ZNF804B: variants seen among roughly 807,000 people sequenced by gnomAD.
ZNF804B encodes zinc finger 804B.
A neutral mutation model predicts 101.4 loss-of-function variants in ZNF804B; 80 were observed. The observed-to-expected ratio is 0.79, with a 90% CI of 0.66 to 0.95. The LOEUF is 0.95. Among genes scored for constraint, ZNF804B ranks in the 40% least tolerant of loss-of-function variants. ZNF804B has a pLI of 0.00. For synonymous variants in ZNF804B, 622 were observed against 558.8 expected, an observed-to-expected ratio of 1.11 and a Z score of -1.59; for missense variants, 1,673 against 1,561.9, an observed-to-expected ratio of 1.07 and a Z score of -1.20.
At position 88,798,956 on chromosome 7, in the gene ZNF804B, G is replaced by T. The variant is rs1257865592; in HGVS notation, c.108+38872G>T. On this transcript the variant is annotated intron_variant, in intron 1 of 3. Coordinates refer to ENST00000333190, the MANE Select transcript of ZNF804B (RefSeq NM_181646.5). ...TACCCAGAGTGATCTGTTTAGAATA[G>T]CTATCCAAGTTCAAGTTCAAACAAC... Among the ~76,000 whole-genome samples the T allele has an allele frequency of 3.9e-5, 6 of 152,204 alleles. No homozygotes were observed. In the East Asian group the frequency reaches 1.2e-3, roughly 29 times the overall value.
chr7:89,255,380 T>C (rs1035265069), intron 2 of ZNF804B, among the ~76,000 whole-genome samples: 1 of 152,084 alleles, frequency 6.6e-6, no homozygotes, highest in Non-Finnish European at 1.5e-5. Flanking sequence ...CATATTATAG[T>C]GATTAAAACA....
intron 1 of ZNF804B, among the ~76,000 whole-genome samples, chr7:88,999,669 G>A (rs1791077038): frequency 6.6e-6 from 1 of 151,856 alleles, no homozygotes; most frequent in African/African-American, 2.4e-5. Context: ...ATTTTATGGA[G>A]AACAGAGTAT....
At chr7:89,159,630 A>T (rs1791028960) in intron 1 of ZNF804B, among the ~76,000 whole-genome samples, 2 of 152,284 alleles carry the variant, frequency 1.3e-5, no homozygotes, top group South Asian at 4.1e-4. Flanking sequence ...ATGAGTTAAC[A>T]TCTGATAATA....
intron 2 of ZNF804B, among the ~76,000 whole-genome samples, chr7:89,222,933 C>T (rs1303333762): frequency 2.0e-5 from 3 of 151,802 alleles, no homozygotes; most frequent in Non-Finnish European, 2.9e-5. Flanking sequence ...GAAATACTTC[C>T]ATTTAAAGAT....
At chr7:88,896,589 AATT>A (rs1423574387) in intron 1 of ZNF804B, among the ~76,000 whole-genome samples, 2 of 152,128 alleles carry the variant, frequency 1.3e-5, no homozygotes, top group Non-Finnish European at 2.9e-5. Context: ...TTGATATGCC[AATT>A]ATTTATAAAG....
intron 2 of ZNF804B, among the ~76,000 whole-genome samples, chr7:89,302,221 A>G (rs1562940936): frequency 6.6e-6 from 1 of 151,836 alleles, no homozygotes; most frequent in Non-Finnish European, 1.5e-5. Flanking sequence ...TCCCATATCC[A>G]ATTCTTAGAT....
chr7:89,137,252 T>C (rs1790651403), intron 1 of ZNF804B, among the ~76,000 whole-genome samples: 1 of 152,128 alleles, frequency 6.6e-6, no homozygotes, highest in Non-Finnish European at 1.5e-5. Flanking sequence ...GAAAGCTTTT[T>C]ATTATGTAAT....
chr7:89,337,017 C>T lies in ZNF804B; in HGVS notation c.4035C>T (p.Ser1345=). 1 of 1,613,484 alleles carries T rather than the reference C, an allele frequency of 6.2e-7. No homozygotes were observed. Among genetic ancestry groups the T allele is most frequent in the Non-Finnish European group, 8.5e-7 (1 of 1,179,698 alleles). ...LNEVKEALNV[S]THLN Reference sequence around the variant, plus strand: ...AAGTGAAAGAGGCCTTAAATGTGTCCACACACTTGAACTAATAAGTGTTAA... The same window carrying T: ...AAGTGAAAGAGGCCTTAAATGTGTCTACACACTTGAACTAATAAGTGTTAA... The change falls in exon 4 of 4, where the codon TCC becomes TCT. Residue 1345 remains serine, a synonymous_variant. Coordinates refer to ENST00000333190, the MANE Select transcript of ZNF804B (RefSeq NM_181646.5).
At chr7:89,295,794 T>G (rs551274805) in intron 2 of ZNF804B, among the ~76,000 whole-genome samples, 2 of 152,210 alleles carry the variant, frequency 1.3e-5, no homozygotes, top group Non-Finnish European at 2.9e-5. Flanking sequence ...AAATGTGGTA[T>G]ATATACACTT....
chr7:89,078,410 G>C (rs991911152), intron 1 of ZNF804B, among the ~76,000 whole-genome samples: 1 of 152,000 alleles, frequency 6.6e-6, no homozygotes, highest in Non-Finnish European at 1.5e-5. Flanking sequence ...AGCCTCTAAA[G>C]ACCAGTATGC....
At chr7:89,089,543 T>C (rs928148929) in intron 1 of ZNF804B, among the ~76,000 whole-genome samples, 2 of 151,764 alleles carry the variant, frequency 1.3e-5, no homozygotes, top group Admixed American at 6.6e-5. Context: ...TCATAAGAGG[T>C]AGAGAAAAAA....
At chr7:88,961,749 A>T (rs952579819) in intron 1 of ZNF804B, among the ~76,000 whole-genome samples, 14 of 151,346 alleles carry the variant, frequency 9.3e-5, no homozygotes, top group Admixed American at 8.6e-4. Flanking sequence ...CTATATCACC[A>T]AAAGCAAAAA....
At chr7:89,223,825 C>T (rs17167590) in intron 2 of ZNF804B, among the ~76,000 whole-genome samples, 18,550 of 151,798 alleles carry the variant, frequency 0.12, 1,217 homozygotes, top group Middle Eastern at 0.25. Context: ...ATATAGCTCA[C>T]GTTTTTGGAA....
chr7:89,311,832 T>C (rs1338338889), intron 2 of ZNF804B, among the ~76,000 whole-genome samples: 2 of 152,212 alleles, frequency 1.3e-5, no homozygotes, highest in African/African-American at 2.4e-5. Flanking sequence ...ATGTCTGATA[T>C]AATATGGGTT....
At chr7:89,031,751 A>G (rs1395029122) in intron 1 of ZNF804B, among the ~76,000 whole-genome samples, 1 of 151,560 alleles carries the variant, frequency 6.6e-6, no homozygotes, top group African/African-American at 2.4e-5. Flanking sequence ...GACTTTGTCT[A>G]TACTGAGACA....
chr7:89,308,058 T>G (rs570648509), intron 2 of ZNF804B, among the ~76,000 whole-genome samples: 1 of 152,228 alleles, frequency 6.6e-6, no homozygotes, highest in East Asian at 1.9e-4. Flanking sequence ...TTTAAAAGAC[T>G]TCTGATCAGT....
chr7:89,284,835 A>T (rs1272626754), intron 2 of ZNF804B, among the ~76,000 whole-genome samples: 1 of 152,154 alleles, frequency 6.6e-6, no homozygotes. Flanking sequence ...TTAAAAAAAA[A>T]ATCAAGATAT....
chr7:89,015,781 G>A (rs1270064948), intron 1 of ZNF804B, among the ~76,000 whole-genome samples: 4 of 152,118 alleles, frequency 2.6e-5, no homozygotes, highest in African/African-American at 4.8e-5. Context: ...ATTGTGAATA[G>A]TGCCGCAATA....
At chr7:89,124,556 A>T (rs1790451915) in intron 1 of ZNF804B, among the ~76,000 whole-genome samples, 2 of 152,190 alleles carry the variant, frequency 1.3e-5, no homozygotes, top group Admixed American at 6.5e-5. Context: ...ACCCCATGAA[A>T]TCAGTTTCCC....
Sources: gnomAD v4.1 joint callset for allele counts (sites outside exome capture counted in the v4.1 genomes callset) on GRCh38, gnomAD v4.1.1 for gene constraint, MANE v1.5 for transcripts, NCBI Gene and HGNC (gene_info 2026-07-23, HGNC 2026-07-21) for gene names.